Variants in SPAST observed in about 807,000 individuals in gnomAD.
SPAST encodes spastic paraplegia 4 (autosomal dominant; spastin).
SPAST carries 30 observed loss-of-function variants against 76.6 expected under a neutral mutation model. The ratio of observed to expected loss-of-function variants is 0.39; its 90% CI spans 0.29 to 0.53. The LOEUF is 0.53. Among genes scored for constraint, SPAST ranks in the 20% least tolerant of loss-of-function variants. SPAST has a pLI of 0.68. For missense variants in SPAST, 717 were observed against 770.5 expected (o/e 0.93, Z 0.82); for synonymous variants, 305 against 281.0 (o/e 1.09, Z -0.86).
intron 16 of SPAST, among the ~76,000 whole-genome samples, 184 bp downstream of exon 16, chr2:32,147,442 C>A (rs548421347): frequency 8.7e-4 from 128 of 147,426 alleles, no homozygotes; most frequent in African/African-American, 2.8e-3. Flanking sequence ...CCTGCCTCAG[C>A]CTCCCAAGTA....
At position 32,089,618 on chromosome 2, in the gene SPAST, G is replaced by T. The variant is rs765906107; in HGVS notation, c.586+13G>T. ...TTACAACTTCTAGGTATCAATTAAT[G>T]TATAATTTGATGTGGGATGTATTGG... On this transcript the variant is annotated intron_variant, in intron 3 of 16. Transcript: ENST00000315285. 3 of 1,373,524 alleles carry T rather than the reference G, an allele frequency of 2.2e-6. No homozygotes were observed. Among genetic ancestry groups the T allele is most frequent in the Non-Finnish European group, 3.1e-6 (3 of 960,414 alleles). The allele number at this position is 1,373,524 out of a possible 1,614,324, so 85.1% of individuals were successfully genotyped here.
intron 4 of SPAST, among the ~76,000 whole-genome samples, chr2:32,111,217 TAGTGTGTATAG>T (rs1678579615): frequency 1.8e-5 from 2 of 113,478 alleles, no homozygotes; most frequent in African/African-American, 6.8e-5. Flanking sequence ...GTATACTATA[TAGTGTGTATAG>T]CGTATATATA....
intron 2 of SPAST, 52 bp downstream of exon 2, chr2:32,087,630 T>C (rs376245769): frequency 2.7e-5 from 22 of 801,592 alleles, no homozygotes; most frequent in Non-Finnish European, 4.3e-5. Context: ...ATTCACATGA[T>C]TGTCCAGATT....
intron 1 of SPAST, among the ~76,000 whole-genome samples, chr2:32,077,466 AAAGT>A (rs1677011782): frequency 6.6e-6 from 1 of 152,208 alleles, no homozygotes; most frequent in Admixed American, 6.5e-5. Flanking sequence ...TTTATTACTT[AAAGT>A]ATCATCATAT....
intron 3 of SPAST, 121 bp downstream of exon 3, chr2:32,089,726 G>A: frequency 1.5e-6 from 1 of 681,272 alleles, no homozygotes. Flanking sequence ...TTAACATAAA[G>A]AAAACGTATA....
intron 16 of SPAST, among the ~76,000 whole-genome samples, chr2:32,150,239 A>ATTTTTTT (rs11363493): frequency 1.8e-3 from 123 of 66,538 alleles, no homozygotes; most frequent in African/African-American, 2.6e-3. Flanking sequence ...CGCCCAGCTA[A>ATTTTTTT]TTTTTTTTTT....
chr2:32,087,922 T>C (rs752181658), intron 2 of SPAST, among the ~76,000 whole-genome samples: 1 of 151,272 alleles, frequency 6.6e-6, no homozygotes, highest in African/African-American at 2.4e-5. Context: ...CTCGCTCTTT[T>C]GCCCAGGCTG....
chr2:32,119,884 A>G (rs563257593), intron 7 of SPAST, among the ~76,000 whole-genome samples: 2 of 152,276 alleles, frequency 1.3e-5, no homozygotes, highest in South Asian at 2.1e-4. Flanking sequence ...CAGCTTGTCT[A>G]TCATTTCGAG....
chr2:32,121,168 G>C (rs369777734), intron 7 of SPAST, among the ~76,000 whole-genome samples: 4 of 151,806 alleles, frequency 2.6e-5, no homozygotes, highest in African/African-American at 4.8e-5. Flanking sequence ...GTGGGGGCAG[G>C]GGGGAAGGAG....
intron 9 of SPAST, among the ~76,000 whole-genome samples, chr2:32,131,113 C>T (rs986364720): frequency 6.6e-6 from 1 of 152,222 alleles, no homozygotes; most frequent in South Asian, 2.1e-4. Context: ...AGTCTGTTTG[C>T]TAAGACTCCC....
In SPAST at chr2:32,064,196, A is replaced by G. The variant is rs1440263044; in HGVS notation, c.365A>G (p.Gln122Arg). 1 of 1,547,692 alleles carries G rather than the reference A, an allele frequency of 6.5e-7. No individual in the cohort carries two copies. The highest frequency in any genetic ancestry group is 8.7e-7 in the Non-Finnish European group (1 of 1,147,104). The change falls in exon 1 of 17, where the codon CAG (glutamine) becomes CGG (arginine). Residue 122 changes from glutamine (Q) to arginine (R), a missense_variant. Physicochemically the swap from Gln to Arg is conservative, Grantham distance 43. Around this residue, in one of 3 missense-constraint regions of SPAST, gnomAD observed 543 missense variants for 445.2 expected, o/e 1.22. Coordinates refer to ENST00000315285, the MANE Select transcript of SPAST (RefSeq NM_014946.4). ...GAGCGCGTCCGAGTCTTCCACAAAC[A>G]GGCCTTCGAGTACATCTCCATTGCC... is the stretch of plus-strand genomic sequence containing the variant. Reference protein sequence around the residue: ...EAERVRVFHKQAFEYISIALR... With the variant: ...EAERVRVFHKRAFEYISIALR...
At chr2:32,088,157 G>C (rs1415531417) in intron 2 of SPAST, among the ~76,000 whole-genome samples, 1 of 151,882 alleles carries the variant, frequency 6.6e-6, no homozygotes, top group Non-Finnish European at 1.5e-5. Context: ...CAAAGTGGTG[G>C]GAGTACAGGC....
chr2:32,118,594 A>G (rs1293036665), intron 7 of SPAST, among the ~76,000 whole-genome samples: 2 of 152,198 alleles, frequency 1.3e-5, no homozygotes. Flanking sequence ...GAGGATTTAC[A>G]TAATTGTAGA....
At chr2:32,151,579 G>A (rs1190024753) in intron 16 of SPAST, among the ~76,000 whole-genome samples, 1 of 152,054 alleles carries the variant, frequency 6.6e-6, no homozygotes, top group East Asian at 1.9e-4. Context: ...AAAGTGTATT[G>A]TCAGTTACCG....
intron 1 of SPAST, among the ~76,000 whole-genome samples, chr2:32,083,008 G>T (rs1232998102): frequency 1.3e-5 from 2 of 151,662 alleles, no homozygotes; most frequent in South Asian, 2.1e-4. Context: ...GTCTTGCTCT[G>T]TTGCCCAGGC....
intron 1 of SPAST, among the ~76,000 whole-genome samples, chr2:32,072,499 G>A (rs891069953): frequency 1.1e-4 from 17 of 152,098 alleles, no homozygotes; most frequent in African/African-American, 4.1e-4. Flanking sequence ...AGGGAAGAGG[G>A]TATATGAGTC....
chr2:32,070,065 AAAAT>A (rs1419066660), intron 1 of SPAST, among the ~76,000 whole-genome samples: 2 of 127,398 alleles, frequency 1.6e-5, no homozygotes, highest in African/African-American at 5.8e-5. Context: ...AAAAAAAAAA[AAAAT>A]TTTTTTTTTT....
chr2:32,083,517 C>T (rs1677320797), intron 1 of SPAST, among the ~76,000 whole-genome samples: 1 of 150,766 alleles, frequency 6.6e-6, no homozygotes. Flanking sequence ...TTTTGCCATT[C>T]AAAATTGGGT....
intron 15 of SPAST, among the ~76,000 whole-genome samples, chr2:32,146,851 C>CAAAAAAAAAAAAA (rs397984237): frequency 6.8e-4 from 13 of 19,240 alleles, no homozygotes; most frequent in Non-Finnish European, 9.9e-4. Flanking sequence ...GACTCTGTCT[C>CAAAAAAAAAAAAA]AAAAAAAAAA....
Sources: allele counts gnomAD v4.1 joint callset (sites outside exome capture counted in the v4.1 genomes callset), GRCh38; gene constraint gnomAD v4.1.1; regional missense constraint gnomAD v4.1.1; transcripts MANE v1.5; gene names NCBI Gene and HGNC (gene_info 2026-07-23, HGNC 2026-07-21).